TENT4B: variants seen among roughly 807,000 people sequenced by gnomAD.
The protein encoded by TENT4B is PAP associated domain containing 5.
In TENT4B, 10 loss-of-function variants were observed where a neutral mutation model predicts 75.0. The ratio of observed to expected loss-of-function variants is 0.13; its 90% confidence interval spans 0.08 to 0.23. The LOEUF is 0.23. Among genes scored for constraint, TENT4B ranks in the 10% least tolerant of loss-of-function variants. The pLI is 1.00. For synonymous variants in TENT4B, 350 were observed against 357.7 expected (o/e 0.98, Z 0.24); for missense variants, 579 against 893.8 (o/e 0.65, Z 4.49).
In TENT4B at chr16:50,232,457, T is replaced by C. The variant is rs2032326009; in HGVS notation, c.*3129T>C. On this transcript the variant is annotated 3_prime_UTR_variant, in exon 12 of 12. Transcript: ENST00000561678. ...GATCTGCACAGGGCAAAACATGGGC[T>C]ATAGGGTGAGCATTTTTAATTGTCT... 1.0e-6 allele frequency: 1 copy of C among 985,298 alleles called. No homozygotes were observed. Among genetic ancestry groups the C allele is most frequent in the South Asian group, 4.7e-5 (1 of 21,280 alleles). The allele number at this position is 985,298 out of a possible 1,614,324, so 61.0% of individuals were successfully genotyped here.
At chr16:50,220,843 A>G (rs2031793721) in intron 5 of TENT4B, among the ~76,000 whole-genome samples, 1 of 152,188 alleles carries the variant, frequency 6.6e-6, no homozygotes, top group Non-Finnish European at 1.5e-5. Flanking sequence ...ATGTTTAAAA[A>G]TACTTATTTC....
Position 50,154,190 on chromosome 16 carries a change from C to T in TENT4B, c.569C>T (p.Ala190Val), listed in dbSNP as rs922674334. 1.9e-5 allele frequency: 28 copies of T among 1,504,576 alleles called. No individual in the cohort carries two copies. The highest frequency in any genetic ancestry group is 2.8e-5 in the African/African-American group (2 of 70,442). 93.2% of individuals were successfully genotyped at this position (1,504,576 alleles called of 1,614,324 possible). Reference protein sequence around the residue: ...SGGRAAGGGRADGGGVVYSGT... With the variant: ...SGGRAAGGGRVDGGGVVYSGT... Reference sequence around the variant, plus strand: ...GGGCGGGCCGCGGGGGGCGGCCGAGCAGACGGCGGCGGGGTCGTGTACAGC... The same window carrying T: ...GGGCGGGCCGCGGGGGGCGGCCGAGTAGACGGCGGCGGGGTCGTGTACAGC... Residue 190 changes from alanine (A) to valine (V), a missense_variant, in exon 1 of 12, where the codon GCA becomes GTA. By Grantham distance (64) the Ala-to-Val change is moderately conservative. Transcript: ENST00000561678.
At chr16:50,153,287 G>T (rs1194721446), upstream of TENT4B, among the ~76,000 whole-genome samples, 1 of 95,972 alleles carries the variant, frequency 1.0e-5, no homozygotes, top group Non-Finnish European at 2.2e-5. Context: ...TGCCGCCGCT[G>T]CCGCCGCCGC....
chr16:50,158,172 C>T (rs747059720), intron 1 of TENT4B, among the ~76,000 whole-genome samples: 4 of 152,080 alleles, frequency 2.6e-5, no homozygotes, highest in Admixed American at 6.6e-5. Context: ...CTGCAACCTC[C>T]GTCTCCCAGG....
intron 10 of TENT4B, among the ~76,000 whole-genome samples, chr16:50,225,708 G>T (rs1414073202): frequency 1.3e-5 from 2 of 150,462 alleles, no homozygotes; most frequent in African/African-American, 4.9e-5. Flanking sequence ...TTTGAGACGG[G>T]ATCTCCCTCT....
chr16:50,207,250 C>T (rs112955530), intron 1 of TENT4B, among the ~76,000 whole-genome samples: 8,803 of 152,118 alleles, frequency 0.058, 466 homozygotes, highest in African/African-American at 0.14. Flanking sequence ...GGCACAATCT[C>T]AGCCCACTGC....
chr16:50,183,236 G>A (rs2038457283), intron 1 of TENT4B, among the ~76,000 whole-genome samples: 1 of 151,836 alleles, frequency 6.6e-6, no homozygotes, highest in South Asian at 2.1e-4. Context: ...TAGAGACGGG[G>A]TTCCTCCATG....
At chr16:50,154,361 C>G (rs2037846660) in intron 1 of TENT4B, 102 bp downstream of exon 1, 1 of 1,340,180 alleles carries the variant, frequency 7.5e-7, no homozygotes. Context: ...CGGCCACCCC[C>G]ACGGCCTGCC....
At chr16:50,169,129 C>G (rs1477282377) in intron 1 of TENT4B, among the ~76,000 whole-genome samples, 2 of 152,112 alleles carry the variant, frequency 1.3e-5, no homozygotes, top group East Asian at 3.8e-4. Flanking sequence ...TAAAAGTTTG[C>G]TCAAATCAAA....
At position 50,233,023 on chromosome 16, in the gene TENT4B, A is replaced by G; in HGVS notation, c.*3695A>G. ...CTTACCCATCTATTCTTGTTCTCCT[A>G]GTTCATTAAACTTTCAGTTATTGGA... On this transcript the variant is annotated 3_prime_UTR_variant, in exon 12 of 12. Coordinates refer to ENST00000561678, the MANE Select transcript of TENT4B (RefSeq NM_001365324.3). The G allele has an allele frequency of 3.0e-6, 3 of 984,692 alleles. No individual in the cohort carries two copies. The highest frequency in any genetic ancestry group is 3.6e-6 in the Non-Finnish European group (3 of 829,264). The allele number at this position is 984,692 out of a possible 1,614,324, so 61.0% of individuals were successfully genotyped here.
At chr16:50,160,998 T>C (rs1366497880) in intron 1 of TENT4B, among the ~76,000 whole-genome samples, 2 of 152,132 alleles carry the variant, frequency 1.3e-5, no homozygotes, top group Non-Finnish European at 2.9e-5. Flanking sequence ...TACCAGCACC[T>C]GGTATTTGCT....
intron 1 of TENT4B, among the ~76,000 whole-genome samples, chr16:50,158,244 G>T (rs1171767693): frequency 6.6e-6 from 1 of 152,090 alleles, no homozygotes; most frequent in Non-Finnish European, 1.5e-5. Context: ...CCGCCACCAT[G>T]CCCAGGTAAT....
chr16:50,192,214 C>T (rs1292302762), intron 1 of TENT4B, among the ~76,000 whole-genome samples: 7 of 136,716 alleles, frequency 5.1e-5, no homozygotes, highest in Admixed American at 2.3e-4. Context: ...GCCTGGGTGA[C>T]AGAGCAAGAC....
At chr16:50,170,419 G>A (rs1040638353) in intron 1 of TENT4B, among the ~76,000 whole-genome samples, 7 of 152,170 alleles carry the variant, frequency 4.6e-5, no homozygotes, top group East Asian at 1.9e-4. Context: ...TACTGGGAGT[G>A]AATTTGTCCA....
chr16:50,196,488 T>TATCATCATCATCATC (rs10536148), intron 1 of TENT4B, among the ~76,000 whole-genome samples: 8 of 149,742 alleles, frequency 5.3e-5, no homozygotes, highest in Non-Finnish European at 8.9e-5. Context: ...AGTTTATCAT[T>TATCATCATCATCATC]ATCATCATCA....
chr16:50,162,823 G>A (rs763384531), intron 1 of TENT4B, among the ~76,000 whole-genome samples: 6 of 152,018 alleles, frequency 3.9e-5, no homozygotes, highest in Admixed American at 2.0e-4. Flanking sequence ...AAAACTGTGG[G>A]GTTTATTTCA....
intron 1 of TENT4B, among the ~76,000 whole-genome samples, chr16:50,165,172 A>G (rs1173112964): frequency 6.6e-6 from 1 of 151,596 alleles, no homozygotes; most frequent in African/African-American, 2.4e-5. Flanking sequence ...GTACATATGT[A>G]TGTGATATTC....
At chr16:50,207,409 C>T (rs897168955) in intron 1 of TENT4B, among the ~76,000 whole-genome samples, 14 of 152,024 alleles carry the variant, frequency 9.2e-5, no homozygotes, top group African/African-American at 3.4e-4. Context: ...TCTCGAACTC[C>T]TGGACTCAAG....
chr16:50,212,470 T>C (rs1379887096), intron 2 of TENT4B, among the ~76,000 whole-genome samples: 1 of 152,202 alleles, frequency 6.6e-6, no homozygotes, highest in Non-Finnish European at 1.5e-5. Flanking sequence ...TCCATTACTT[T>C]GTGTTTGTAG....
Sources: allele counts gnomAD v4.1 joint callset (sites outside exome capture counted in the v4.1 genomes callset), GRCh38; gene constraint gnomAD v4.1.1; transcripts MANE v1.5; gene names NCBI Gene and HGNC (gene_info 2026-07-23, HGNC 2026-07-21).